CLSTN1: variants seen among roughly 807,000 people sequenced by gnomAD.
CLSTN1 encodes the protein calsyntenin 1.
Under a neutral mutation model 108.3 loss-of-function variants are expected in CLSTN1, and 28 were observed. That is an observed-to-expected ratio of 0.26 (90% CI 0.19 to 0.35). CLSTN1 has a LOEUF of 0.35. Ranked by LOEUF, CLSTN1 falls within the 10% of genes least tolerant of loss-of-function variation. The probability of loss-of-function intolerance (pLI) is 1.00; values close to 1 mark genes in which losing one functional copy is unlikely to be tolerated. For missense variants in CLSTN1, 1,157 were observed against 1,302.6 expected, an observed-to-expected ratio of 0.89 and a Z score of 1.72; for synonymous variants, 524 against 534.9, an observed-to-expected ratio of 0.98 and a Z score of 0.28.
At position 9,744,449 on chromosome 1, in the gene CLSTN1, G is replaced by T; in HGVS notation, c.1180C>A (p.His394Asn). Reference sequence around the variant, plus strand: ...TCCTTCTTCCTGCCGAATGGCCCATGTCTCATCCACACCGAGATGGTGAAC... The same window carrying T: ...TCCTTCTTCCTGCCGAATGGCCCATTTCTCATCCACACCGAGATGGTGAAC... ...EPFTISVWMR[H>N]GPFGRKKETI... The change falls in exon 8 of 19, where the codon CAT becomes AAT. Residue 394 changes from histidine to asparagine, a missense_variant. Transcript: ENST00000377298. 6.2e-7 allele frequency: 1 copy of T among 1,610,746 alleles called. No individual in the cohort carries two copies.
chr1:9,812,668 G>A (rs942940565), intron 1 of CLSTN1, among the ~76,000 whole-genome samples: 1 of 151,968 alleles, frequency 6.6e-6, no homozygotes, highest in Admixed American at 6.6e-5. Context: ...CAAACATGGA[G>A]AAACCCCATC....
At chr1:9,750,154 TCA>T in intron 5 of CLSTN1, 1 of 429,090 alleles carries the variant, frequency 2.3e-6, no homozygotes, top group South Asian at 3.3e-5. Flanking sequence ...CCACTTACTC[TCA>T]CAGTGTTACA....
chr1:9,733,256 G>T, intron 16 of CLSTN1, 145 bp downstream of exon 16: 1 of 956,086 alleles, frequency 1.0e-6, no homozygotes, highest in Non-Finnish European at 1.6e-6. Flanking sequence ...CAGGCCCCAG[G>T]CTGGAAAGGC....
At chr1:9,774,769 A>C (rs1376352174) in intron 1 of CLSTN1, among the ~76,000 whole-genome samples, 8 of 151,950 alleles carry the variant, frequency 5.3e-5, no homozygotes, top group African/African-American at 1.9e-4. Context: ...CAACTTTATT[A>C]AGAAAGTGAA....
At chr1:9,815,195 G>A (rs1157673737) in intron 1 of CLSTN1, among the ~76,000 whole-genome samples, 5 of 152,118 alleles carry the variant, frequency 3.3e-5, no homozygotes, top group African/African-American at 2.4e-5. Flanking sequence ...AAATACAAAG[G>A]CGTGATAAAA....
At position 9,751,523 on chromosome 1, in the gene CLSTN1, CA is replaced by C; in HGVS notation, c.598del (p.Cys200AlafsTer20). On this transcript the variant is annotated frameshift_variant, in exon 5 of 19. Transcript: ENST00000377298. LOFTEE classifies it high-confidence loss of function. ...GTCTGGAGTGATGATTTCGTAGCTG[CA>C]AATCTGGCTGAACTGAGGGGAGCAG... is the stretch of plus-strand genomic sequence containing the variant. Reference protein sequence around the residue: ...ADCSPQFSQICSYEIITPDVP... With the variant: ...ADCSPQFSQIXSYEIITPDVP... 1 of 1,614,130 alleles carries C rather than the reference CA, an allele frequency of 6.2e-7. No individual in the cohort carries two copies. Among genetic ancestry groups the C allele is most frequent in the Non-Finnish European group, 8.5e-7 (1 of 1,180,030 alleles).
chr1:9,771,026 T>C (rs1311899223), intron 2 of CLSTN1, among the ~76,000 whole-genome samples: 1 of 151,882 alleles, frequency 6.6e-6, no homozygotes, highest in South Asian at 2.1e-4. Flanking sequence ...AATAAAATAG[T>C]GCATCAATTA....
chr1:9,783,725 G>T (rs1194668934), intron 1 of CLSTN1, among the ~76,000 whole-genome samples: 5 of 151,792 alleles, frequency 3.3e-5, no homozygotes, highest in Non-Finnish European at 7.4e-5. Context: ...GGGCACAGTG[G>T]CTCACGCCTG....
intron 4 of CLSTN1, among the ~76,000 whole-genome samples, chr1:9,754,571 C>CA (rs1282376350): frequency 2.0e-5 from 3 of 150,982 alleles, no homozygotes; most frequent in Non-Finnish European, 4.4e-5. Context: ...AAACAAAACA[C>CA]AAAAAGGCCA....
At chr1:9,796,314 A>G (rs1653999984) in intron 1 of CLSTN1, among the ~76,000 whole-genome samples, 1 of 149,786 alleles carries the variant, frequency 6.7e-6, no homozygotes, top group Non-Finnish European at 1.5e-5. Context: ...AAAAACAGGC[A>G]TTTGACCTGG....
chr1:9,769,873 A>G (rs1278541558), intron 2 of CLSTN1, among the ~76,000 whole-genome samples: 1 of 151,944 alleles, frequency 6.6e-6, no homozygotes. Flanking sequence ...TACTAAAAAT[A>G]CAAAAAATTA....
chr1:9,770,481 A>G (rs1434522039), intron 2 of CLSTN1, among the ~76,000 whole-genome samples: 1 of 152,242 alleles, frequency 6.6e-6, no homozygotes, highest in Non-Finnish European at 1.5e-5. Context: ...ACGTCATCGT[A>G]GCAGGCAGCT....
chr1:9,754,299 C>T (rs952644932), intron 4 of CLSTN1, among the ~76,000 whole-genome samples: 1 of 152,130 alleles, frequency 6.6e-6, no homozygotes, highest in Non-Finnish European at 1.5e-5. Context: ...TGGTGGCTCA[C>T]GCCTGTAATC....
chr1:9,824,115 A>T (rs1655315551), upstream of CLSTN1: 1 of 139,828 alleles, frequency 7.2e-6, no homozygotes, highest in Non-Finnish European at 1.6e-5. This position sits in a 1 kb window ranked among gnomAD's most constrained non-coding sequence, Gnocchi z 5.0. Flanking sequence ...AGAGGAGCGG[A>T]GGGAGCGCGC....
At chr1:9,796,266 CAAAAAAAA>C (rs70998312) in intron 1 of CLSTN1, among the ~76,000 whole-genome samples, 3 of 125,840 alleles carry the variant, frequency 2.4e-5, no homozygotes, top group African/African-American at 8.8e-5. Context: ...TCTCCAAAAA[CAAAAAAAA>C]AAACAAAAAA....
intron 1 of CLSTN1, among the ~76,000 whole-genome samples, chr1:9,818,447 G>A (rs1473035428): frequency 6.6e-6 from 1 of 151,576 alleles, no homozygotes; most frequent in African/African-American, 2.4e-5. Context: ...TCTTGCCTCA[G>A]CCTCCCAAGT....
At chr1:9,783,997 AAAT>A in intron 1 of CLSTN1, among the ~76,000 whole-genome samples, 2 of 150,466 alleles carry the variant, frequency 1.3e-5, no homozygotes, top group East Asian at 3.9e-4. Flanking sequence ...CCATCTCAAA[AAAT>A]AATAATAATA....
chr1:9,803,068 C>T (rs1191658607), intron 1 of CLSTN1, among the ~76,000 whole-genome samples: 1 of 152,170 alleles, frequency 6.6e-6, no homozygotes, highest in African/African-American at 2.4e-5. Context: ...AGTGATCCTC[C>T]TGCCTCAGCC....
At chr1:9,772,482 G>T (rs1035927051) in intron 2 of CLSTN1, among the ~76,000 whole-genome samples, 2 of 151,972 alleles carry the variant, frequency 1.3e-5, no homozygotes, top group Non-Finnish European at 2.9e-5. Flanking sequence ...TGCAGGAGAA[G>T]ATCTGATCTG....
Sources: allele counts gnomAD v4.1 joint callset (sites outside exome capture counted in the v4.1 genomes callset), GRCh38; gene constraint gnomAD v4.1.1; non-coding constraint Gnocchi (gnomAD v3.1); transcripts MANE v1.5; gene names NCBI Gene and HGNC (gene_info 2026-07-23, HGNC 2026-07-21).